The following IGFBP7 variants were observed in gnomAD, a reference collection of about 807,000 sequenced individuals.
IGFBP7 encodes insulin like growth factor binding protein 7, also known as insulin-like growth factor-binding protein 7.
In IGFBP7, 31 loss-of-function variants were observed where a neutral mutation model predicts 29.4. That is an observed-to-expected ratio of 1.05 (90% confidence interval 0.79 to 1.42). The LOEUF is 1.42. Among genes scored for constraint, IGFBP7 ranks in the 40% most tolerant of loss-of-function variants. The pLI is 0.00. For synonymous variants in IGFBP7, 172 were observed against 174.9 expected, an observed-to-expected ratio of 0.98 and a Z score of 0.13; for missense variants, 393 against 395.5, an observed-to-expected ratio of 0.99 and a Z score of 0.05.
chr4:57,057,006 A>T (rs1306536637), intron 1 of IGFBP7, among the ~76,000 whole-genome samples: 1 of 151,274 alleles, frequency 6.6e-6, no homozygotes, highest in Non-Finnish European at 1.5e-5. Flanking sequence ...TCTATAGTAG[A>T]TTTTTTTTTC....
intron 1 of IGFBP7, among the ~76,000 whole-genome samples, chr4:57,056,468 G>C (rs1045840839): frequency 2.0e-5 from 3 of 152,154 alleles, no homozygotes; most frequent in African/African-American, 7.2e-5. Context: ...AATTGAGAAG[G>C]TGCTAGATGT....
intron 1 of IGFBP7, among the ~76,000 whole-genome samples, chr4:57,109,322 C>A (rs919417135): frequency 1.3e-5 from 2 of 152,024 alleles, no homozygotes; most frequent in Non-Finnish European, 2.9e-5. Context: ...GCTTATAGTC[C>A]CAGCTACTTG....
At chr4:57,046,437 T>C (rs1191192075) in intron 1 of IGFBP7, among the ~76,000 whole-genome samples, 2 of 152,168 alleles carry the variant, frequency 1.3e-5, no homozygotes, top group East Asian at 3.9e-4. Context: ...CGAGAATTTA[T>C]TTCTGTTTTT....
At chr4:57,076,158 G>A (rs551674970) in intron 1 of IGFBP7, among the ~76,000 whole-genome samples, 4 of 152,174 alleles carry the variant, frequency 2.6e-5, no homozygotes, top group East Asian at 3.9e-4. Flanking sequence ...AGCCTCACAT[G>A]GTGGAAAGAG....
intron 2 of IGFBP7, among the ~76,000 whole-genome samples, chr4:57,039,923 G>A (rs532726219): frequency 2.1e-4 from 26 of 125,770 alleles, no homozygotes; most frequent in African/African-American, 5.9e-4. Context: ...ACTGCACCCA[G>A]CCTCACACTT....
intron 1 of IGFBP7, 93 bp downstream of exon 1, chr4:57,109,763 CGCGGGGGAATCGCAGTGAGCA>C (rs1726126273): frequency 7.7e-7 from 1 of 1,294,232 alleles, no homozygotes; most frequent in African/African-American, 1.6e-5. Flanking sequence ...CTGGGATGCC[CGCGGGGGAATCGCAGTGAGCA>C]GCGCGGGGCG....
At chr4:57,032,384 T>G in intron 4 of IGFBP7, 42 bp downstream of exon 4, 1 of 1,607,728 alleles carries the variant, frequency 6.2e-7, no homozygotes, top group Middle Eastern at 1.7e-4. Flanking sequence ...TTAAAGCAAA[T>G]GTACTAGTCA....
At chr4:57,074,136 C>A (rs1189258142) in intron 1 of IGFBP7, among the ~76,000 whole-genome samples, 1 of 152,186 alleles carries the variant, frequency 6.6e-6, no homozygotes, top group Admixed American at 6.5e-5. Flanking sequence ...TCCCAGCTCA[C>A]TACAACCTCC....
At chr4:57,039,098 G>GT (rs564437492) in intron 2 of IGFBP7, among the ~76,000 whole-genome samples, 4 of 144,314 alleles carry the variant, frequency 2.8e-5, no homozygotes, top group Admixed American at 1.4e-4. Context: ...AGACAAAAAC[G>GT]TAAGTGTATG....
intron 1 of IGFBP7, among the ~76,000 whole-genome samples, chr4:57,065,333 C>T (rs1724892768): frequency 6.6e-6 from 1 of 152,248 alleles, no homozygotes; most frequent in Non-Finnish European, 1.5e-5. Flanking sequence ...GTTTGAGACT[C>T]TGATTCATCC....
chr4:57,075,040 AGCAATCC>A (rs1379239085), intron 1 of IGFBP7, among the ~76,000 whole-genome samples: 1 of 152,348 alleles, frequency 6.6e-6, no homozygotes, highest in South Asian at 2.1e-4. Flanking sequence ...TTTAAAAATA[AGCAATCC>A]TATTACTCAG....
intron 1 of IGFBP7, among the ~76,000 whole-genome samples, chr4:57,099,360 T>C (rs4504318): frequency 0.98 from 148,631 of 152,276 alleles, 72,653 homozygotes; most frequent in East Asian, 1. Flanking sequence ...AAGTTGTCAC[T>C]TAGCTGACAA....
intron 2 of IGFBP7, among the ~76,000 whole-genome samples, chr4:57,037,496 C>G (rs550895345): frequency 2.6e-5 from 4 of 152,102 alleles, no homozygotes; most frequent in Non-Finnish European, 4.4e-5. Flanking sequence ...CCACCTCAGC[C>G]TCCCGAGTGG....
intron 1 of IGFBP7, among the ~76,000 whole-genome samples, chr4:57,078,137 T>G (rs1485539710): frequency 1.3e-5 from 2 of 152,018 alleles, no homozygotes; most frequent in African/African-American, 4.8e-5. Flanking sequence ...CACCCAACTG[T>G]GGCCACGGTA....
chr4:57,037,267 A>G (rs1315825911), intron 2 of IGFBP7, among the ~76,000 whole-genome samples: 1 of 152,202 alleles, frequency 6.6e-6, no homozygotes, highest in African/African-American at 2.4e-5. Flanking sequence ...GCAGAGCATC[A>G]CAGTTGGGTT....
chr4:57,040,616 G>C (rs753102351), intron 2 of IGFBP7, among the ~76,000 whole-genome samples: 1 of 152,238 alleles, frequency 6.6e-6, no homozygotes, highest in African/African-American at 2.4e-5. Flanking sequence ...CAGTTTCTCA[G>C]ATTCTAGGAT....
rs114162705 is a variant in IGFBP7 at position 57,066,067 on chromosome 4, C to T, written c.476-25134G>A. 2.9e-3 allele frequency among the ~76,000 whole-genome samples: 447 copies of T among 152,326 alleles called. 3 individuals carry two copies. Among genetic ancestry groups the T allele is most frequent in the African/African-American group, 0.01 (433 of 41,574 alleles). Reference sequence around the variant, plus strand: ...TCTGGTTAAGGTCCCATCCACCCTTCTGGTGGCATGGGTCTTCCATCCCTT... The same window carrying T: ...TCTGGTTAAGGTCCCATCCACCCTTTTGGTGGCATGGGTCTTCCATCCCTT... On this transcript the variant is annotated intron_variant, in intron 1 of 4. Coordinates refer to ENST00000295666, the MANE Select transcript of IGFBP7 (RefSeq NM_001553.3).
At position 57,043,882 on chromosome 4, in the gene IGFBP7, G is replaced by C. The variant is rs11573107; in HGVS notation, c.476-2949C>G. Among the ~76,000 whole-genome samples, 264 of 152,338 alleles carry C rather than the reference G, an allele frequency of 1.7e-3. 3 individuals are homozygous for C. In the East Asian group the frequency reaches 0.031, roughly 18 times the overall value. On this transcript the variant is annotated intron_variant, in intron 1 of 4. Coordinates refer to ENST00000295666, the MANE Select transcript of IGFBP7 (RefSeq NM_001553.3). ...TATCCCGGGCTTCCTCTAGGGCTAT[G>C]GGACCCCAAGGGTTTGGACACCACA...
intron 1 of IGFBP7, among the ~76,000 whole-genome samples, chr4:57,071,960 A>ACC (rs557421006): frequency 6.6e-6 from 1 of 151,638 alleles, no homozygotes; most frequent in African/African-American, 2.4e-5. Flanking sequence ...ACATGGTGAG[A>ACC]CCCCTATCTC....
Sources: gnomAD v4.1 joint callset for allele counts (sites outside exome capture counted in the v4.1 genomes callset) on GRCh38, gnomAD v4.1.1 for gene constraint, MANE v1.5 for transcripts, NCBI Gene and HGNC (gene_info 2026-07-23, HGNC 2026-07-21) for gene names.